PKHD1L1: variants seen among roughly 807,000 people sequenced by gnomAD.
The protein encoded by PKHD1L1 is PKHD1 like 1.
In PKHD1L1, 434 loss-of-function variants were observed where a neutral mutation model predicts 462.9. The ratio of observed to expected loss-of-function variants is 0.94; its 90% CI spans 0.87 to 1.02. The LOEUF (loss-of-function observed/expected upper bound fraction) is 1.02. Among genes scored for constraint, PKHD1L1 ranks in the 50% least tolerant of loss-of-function variants. The pLI is 0.00. For missense variants in PKHD1L1, 5,202 were observed against 5,096.1 expected (o/e 1.02, Z -0.63); for synonymous variants, 1,781 against 1,750.0 (o/e 1.02, Z -0.44).
At position 109,445,109 on chromosome 8, in the gene PKHD1L1, T is replaced by C; in HGVS notation, c.5240T>C (p.Ile1747Thr). The C allele has an allele frequency of 6.2e-7, 1 of 1,613,976 alleles. No homozygotes were observed. The highest frequency in any genetic ancestry group is 8.5e-7 in the Non-Finnish European group (1 of 1,179,894). The change falls in exon 38 of 78, where the codon ATC (isoleucine) becomes ACC (threonine). Residue 1747 changes from isoleucine to threonine, a missense_variant. Ile to Thr is a moderately conservative substitution (Grantham distance 89). Transcript: ENST00000378402. ...TGCACCTTTTCATACTTAGAAAGCA[T>C]CACTCCTTACATAACAGGAGTCTTC... ...GNCTFSYLES[I>T]TPYITGVFPN...
intron 19 of PKHD1L1, 41 bp from the exon 20 acceptor site, chr8:109,412,224 A>T (rs938626208): frequency 3.1e-6 from 5 of 1,606,412 alleles, no homozygotes; most frequent in Non-Finnish European, 4.3e-6. Context: ...AAACCAGAAC[A>T]ATAAATCATG....
At chr8:109,521,472 G>T (rs1330737545) in intron 73 of PKHD1L1, among the ~76,000 whole-genome samples, 2 of 152,202 alleles carry the variant, frequency 1.3e-5, no homozygotes, top group Non-Finnish European at 2.9e-5. Flanking sequence ...GGGACAGAGA[G>T]AGTTAGAAAT....
chr8:109,406,500 T>C, intron 17 of PKHD1L1, 22 bp downstream of exon 17: 1 of 1,572,986 alleles, frequency 6.4e-7, no homozygotes, highest in East Asian at 2.3e-5. Context: ...CTTAATTTTG[T>C]ACTTCTGTAG....
At chr8:109,507,435 G>C (rs955334468) in intron 68 of PKHD1L1, among the ~76,000 whole-genome samples, 6 of 152,078 alleles carry the variant, frequency 3.9e-5, no homozygotes, top group African/African-American at 1.4e-4. Flanking sequence ...GGTATGACTT[G>C]TCGTTTTGAA....
intron 1 of PKHD1L1, 23 bp from the exon 2 acceptor site, chr8:109,364,524 T>C: frequency 6.7e-7 from 1 of 1,484,000 alleles, no homozygotes; most frequent in South Asian, 1.2e-5. Flanking sequence ...TTTTTACCTC[T>C]ACTGTATTTT....
intron 23 of PKHD1L1, among the ~76,000 whole-genome samples, chr8:109,424,708 T>G (rs939965915): frequency 1.3e-5 from 2 of 152,176 alleles, no homozygotes; most frequent in Non-Finnish European, 2.9e-5. Context: ...TAAAAAATCA[T>G]TTTAGTTTTT....
intron 55 of PKHD1L1, chr8:109,480,586 T>G (rs1476585324): frequency 2.2e-6 from 1 of 455,524 alleles, no homozygotes; most frequent in South Asian, 1.6e-5. Flanking sequence ...TTACAGTTAT[T>G]CGGAACAATC....
intron 40 of PKHD1L1, 41 bp downstream of exon 40, chr8:109,449,528 G>C: frequency 2.0e-6 from 3 of 1,495,202 alleles, no homozygotes; most frequent in Non-Finnish European, 2.7e-6. Context: ...TTGAGAACTA[G>C]TTAATTTTAT....
chr8:109,494,780 T>C (rs1339180787), intron 63 of PKHD1L1, among the ~76,000 whole-genome samples: 1 of 151,960 alleles, frequency 6.6e-6, no homozygotes, highest in Non-Finnish European at 1.5e-5. Context: ...GACTCAGTAC[T>C]TATAATTGCA....
At position 109,452,728 on chromosome 8, in the gene PKHD1L1, A is replaced by ACTT; in HGVS notation, c.6519_6521dup (p.Phe2174dup). On this transcript the variant is annotated inframe_insertion, in exon 43 of 78. Transcript: ENST00000378402. ...TATGTTCTATTACAGGATAATGCTG[A>ACTT]CTTTCTTTATGTTGATGCCTGGTCC... The ACTT allele has an allele frequency of 6.5e-7, 1 of 1,529,888 alleles. No individual in the cohort carries two copies. The highest frequency in any genetic ancestry group is 8.8e-7 in the Non-Finnish European group (1 of 1,141,662). The allele number at this position is 1,529,888 out of a possible 1,614,324, so 94.8% of individuals were successfully genotyped here.
intron 9 of PKHD1L1, 100 bp downstream of exon 9, chr8:109,390,594 A>G (rs919644448): frequency 3.3e-5 from 20 of 610,372 alleles, no homozygotes; most frequent in African/African-American, 3.3e-4. Context: ...AGGTTTAAAA[A>G]TTAACTACTT....
At chr8:109,434,551 C>A (rs1181912231) in intron 28 of PKHD1L1, among the ~76,000 whole-genome samples, 1 of 152,106 alleles carries the variant, frequency 6.6e-6, no homozygotes, top group African/African-American at 2.4e-5. Flanking sequence ...TCACTGCAAC[C>A]TCTGCCTCCC....
intron 2 of PKHD1L1, among the ~76,000 whole-genome samples, chr8:109,365,963 T>C (rs909301375): frequency 1.3e-5 from 2 of 151,880 alleles, no homozygotes; most frequent in Non-Finnish European, 1.5e-5. Flanking sequence ...ACAGAGCGAG[T>C]CTCCATCTCA....
chr8:109,368,810 T>C (rs1217944013), intron 2 of PKHD1L1, among the ~76,000 whole-genome samples: 1 of 152,120 alleles, frequency 6.6e-6, no homozygotes, highest in Non-Finnish European at 1.5e-5. Context: ...GCAATTCCTG[T>C]CTCCAGTTTT....
At chr8:109,485,486 T>C (rs968172674) in intron 58 of PKHD1L1, among the ~76,000 whole-genome samples, 2 of 152,028 alleles carry the variant, frequency 1.3e-5, no homozygotes, top group African/African-American at 4.8e-5. Flanking sequence ...TTGAGGATCC[T>C]TGATCCAAAA....
chr8:109,475,878 C>G (rs1240559749), intron 51 of PKHD1L1, among the ~76,000 whole-genome samples: 2 of 148,084 alleles, frequency 1.4e-5, no homozygotes, highest in Non-Finnish European at 3.0e-5. Context: ...CTACCTAACT[C>G]TATCTAAATC....
chr8:109,427,104 A>G lies in PKHD1L1; in HGVS notation c.2948A>G (p.Tyr983Cys), dbSNP rs1173682567. ...SVTREGTCAG[Y>C]AWNIKWRSTC... Reference sequence around the variant, plus strand: ...ACACGAGAGGGAACCTGTGCTGGCTACGCGTGGAACATCAAATGGAGAAGC... The same window carrying G: ...ACACGAGAGGGAACCTGTGCTGGCTGCGCGTGGAACATCAAATGGAGAAGC... The change falls in exon 25 of 78, where the codon TAC becomes TGC. Residue 983 changes from tyrosine (Y) to cysteine (C), a missense_variant. This residue lies in a region of PKHD1L1 where 4,497 missense variants were observed against 4,336.8 expected (regional missense o/e 1.04). Transcript: ENST00000378402. 6.2e-7 allele frequency: 1 copy of G among 1,613,954 alleles called. No homozygotes were observed. The highest frequency in any genetic ancestry group is 8.5e-7 in the Non-Finnish European group (1 of 1,179,834).
At chr8:109,372,380 C>T (rs1259373947) in intron 2 of PKHD1L1, among the ~76,000 whole-genome samples, 5 of 152,148 alleles carry the variant, frequency 3.3e-5, no homozygotes, top group East Asian at 1.9e-4. Context: ...GCTGAAGTTG[C>T]TTATCAGCTT....
At chr8:109,394,957 C>A (rs1239367637) in intron 10 of PKHD1L1, among the ~76,000 whole-genome samples, 1 of 152,226 alleles carries the variant, frequency 6.6e-6, no homozygotes, top group African/African-American at 2.4e-5. Flanking sequence ...CATTGGCCTA[C>A]AATTTGGCTA....
Sources: allele counts gnomAD v4.1 joint callset (sites outside exome capture counted in the v4.1 genomes callset), GRCh38; gene constraint gnomAD v4.1.1; regional missense constraint gnomAD v4.1.1; transcripts MANE v1.5; gene names NCBI Gene and HGNC (gene_info 2026-07-23, HGNC 2026-07-21).